KALRN: variants seen among roughly 807,000 people sequenced by gnomAD.
KALRN encodes the protein kalirin.
A neutral mutation model predicts 353.7 loss-of-function variants in KALRN; 70 were observed. The ratio of observed to expected loss-of-function variants is 0.20; its 90% CI spans 0.16 to 0.24. KALRN has a LOEUF of 0.24. Among genes scored for constraint, KALRN ranks in the 10% least tolerant of loss-of-function variants. The probability of loss-of-function intolerance (pLI) is 1.00; values close to 1 mark genes in which losing one functional copy is unlikely to be tolerated. For synonymous variants in KALRN, 1,391 were observed against 1,434.8 expected, an observed-to-expected ratio of 0.97 and a Z score of 0.69; for missense variants, 2,791 against 3,756.7, an observed-to-expected ratio of 0.74 and a Z score of 6.72.
chr3:124,650,379 A>G (rs1463497168), intron 37 of KALRN, among the ~76,000 whole-genome samples: 1 of 152,220 alleles, frequency 6.6e-6, no homozygotes, highest in East Asian at 1.9e-4. Context: ...TCTCACATAA[A>G]TCATTCAGTG....
At position 124,054,387 on chromosome 3, in the gene KALRN, T is replaced by TAAAAATAAAAATAAAAATAAAAC. The variant is rs1559878691; in HGVS notation, c.73+20578_73+20579insATAAAAATAAAAATAAAACAAAA. ...AATAAAAATAAAAATAAAAATAAAATAAAATGTTGCAGAAGCCTCTGGAGG... is the reference window on the plus strand; with the variant it reads ...AATAAAAATAAAAATAAAAATAAAATAAAAATAAAAATAAAAATAAAACAAAATGTTGCAGAAGCCTCTGGAGG... On this transcript the variant is annotated intron_variant, in intron 1 of 59. Coordinates refer to ENST00000682506, the MANE Select transcript of KALRN (RefSeq NM_001388419.1). Among the ~76,000 whole-genome samples the TAAAAATAAAAATAAAAATAAAAC allele has an allele frequency of 4.6e-4, 5 of 10,886 alleles. No individual in the cohort carries two copies. In the Admixed American group the frequency reaches 5.9e-3, roughly 13 times the overall value. The allele number at this position is 10,886 out of a possible 152,430, so 7.1% of individuals were successfully genotyped here.
intron 1 of KALRN, among the ~76,000 whole-genome samples, chr3:124,174,145 G>A (rs1200595844): frequency 6.6e-6 from 1 of 152,054 alleles, no homozygotes; most frequent in Non-Finnish European, 1.5e-5. Flanking sequence ...TAAAAGTATA[G>A]CATTTGGGCC....
intron 22 of KALRN, among the ~76,000 whole-genome samples, chr3:124,456,135 T>C (rs765927054): frequency 9.2e-5 from 14 of 152,256 alleles, no homozygotes; most frequent in Non-Finnish European, 2.1e-4. Flanking sequence ...GTCATTGCTC[T>C]GTTATTTAGC....
chr3:124,718,857 A>AT, intron 59 of KALRN, 68 bp from the exon 60 acceptor site: 9 of 1,409,256 alleles, frequency 6.4e-6, no homozygotes, highest in South Asian at 1.2e-5. Flanking sequence ...TTAATGAGGT[A>AT]TTTTGAGTAG....
At chr3:124,226,471 A>G (rs996662884) in intron 1 of KALRN, among the ~76,000 whole-genome samples, 5 of 152,208 alleles carry the variant, frequency 3.3e-5, no homozygotes, top group Non-Finnish European at 7.3e-5. Flanking sequence ...GTCAGCTAGT[A>G]AAGAGAAACG....
chr3:124,035,362 T>A (rs2039320613), intron 1 of KALRN, among the ~76,000 whole-genome samples: 1 of 152,042 alleles, frequency 6.6e-6, no homozygotes, highest in South Asian at 2.1e-4. Context: ...GGAGGGGAGA[T>A]ATGGGAATTC....
Position 124,660,905 on chromosome 3 carries a change from G to T in KALRN, c.6217-18G>T, listed in dbSNP as rs1189116586. On this transcript the variant is annotated intron_variant, in intron 43 of 59. Transcript: ENST00000682506. ...TTTACCCCTTCCCACACTCTTGCCT[G>T]CTTCCCCTACTTGTTAGGACTTCCT... The T allele has an allele frequency of 6.3e-7, 1 of 1,595,930 alleles. No homozygotes were observed. Among genetic ancestry groups the T allele is most frequent in the Non-Finnish European group, 8.6e-7 (1 of 1,164,090 alleles).
chr3:124,064,758 C>A (rs2042222012), intron 1 of KALRN, among the ~76,000 whole-genome samples: 1 of 152,180 alleles, frequency 6.6e-6, no homozygotes, highest in South Asian at 2.1e-4. Flanking sequence ...TAGCTCTCTG[C>A]ATCTGGAATG....
intron 1 of KALRN, among the ~76,000 whole-genome samples, chr3:124,195,480 C>T (rs920546917): frequency 2.0e-5 from 3 of 152,108 alleles, no homozygotes; most frequent in Non-Finnish European, 2.9e-5. Context: ...TGTGGCACTT[C>T]GTCCTGAGGC....
At chr3:124,671,571 T>C (rs1021410587) in intron 47 of KALRN, 89 bp from the exon 48 acceptor site, 2 of 825,250 alleles carry the variant, frequency 2.4e-6, no homozygotes, top group Admixed American at 2.1e-5. Flanking sequence ...ATCCACACGA[T>C]GCCTAACACA....
chr3:124,532,779 C>A (rs948817530), intron 33 of KALRN, among the ~76,000 whole-genome samples: 4 of 151,824 alleles, frequency 2.6e-5, no homozygotes, highest in Non-Finnish European at 5.9e-5. Context: ...CCAGCTTGGG[C>A]GACAGAGGAA....
At chr3:124,666,250 C>G (rs1559804872) in intron 45 of KALRN, among the ~76,000 whole-genome samples, 199 bp from the exon 46 acceptor site, 1 of 152,170 alleles carries the variant, frequency 6.6e-6, no homozygotes, top group Non-Finnish European at 1.5e-5. Context: ...CTCCAGGGCC[C>G]TTGTGTGAAC....
intron 5 of KALRN, among the ~76,000 whole-genome samples, chr3:124,289,915 A>C (rs1371899713): frequency 1.3e-5 from 2 of 152,172 alleles, no homozygotes; most frequent in African/African-American, 4.8e-5. Context: ...GGATATTCAC[A>C]TGGAGAGGGT....
chr3:124,333,619 GGC>G (rs2080825689), intron 8 of KALRN, among the ~76,000 whole-genome samples: 1 of 152,146 alleles, frequency 6.6e-6, no homozygotes, highest in Non-Finnish European at 1.5e-5. Context: ...TGGGCACTGT[GGC>G]TCACACCTGT....
chr3:124,358,985 G>A (rs1167054127), intron 10 of KALRN, among the ~76,000 whole-genome samples: 1 of 152,120 alleles, frequency 6.6e-6, no homozygotes, highest in Non-Finnish European at 1.5e-5. Flanking sequence ...CCAGTTCCTA[G>A]CCCTCTTTCC....
chr3:124,510,539 C>T (rs2065784859), intron 33 of KALRN, among the ~76,000 whole-genome samples: 1 of 151,778 alleles, frequency 6.6e-6, no homozygotes, highest in Non-Finnish European at 1.5e-5. Context: ...TTTGTTTCAG[C>T]ATGATGATTA....
intron 34 of KALRN, among the ~76,000 whole-genome samples, chr3:124,622,481 G>A (rs926752907): frequency 6.6e-6 from 1 of 152,146 alleles, no homozygotes; most frequent in Non-Finnish European, 1.5e-5. Context: ...GATTGAAACC[G>A]AGTTTTTTCA....
intron 34 of KALRN, among the ~76,000 whole-genome samples, chr3:124,630,728 G>A (rs1449796005): frequency 6.6e-6 from 1 of 152,142 alleles, no homozygotes; most frequent in Admixed American, 6.5e-5. Flanking sequence ...TACGGAGAAT[G>A]AAATGATAGT....
intron 19 of KALRN, among the ~76,000 whole-genome samples, chr3:124,443,315 A>G (rs1375767015): frequency 6.6e-6 from 1 of 152,264 alleles, no homozygotes; most frequent in Non-Finnish European, 1.5e-5. Flanking sequence ...GTCCGAGGCT[A>G]GGAATGGAAC....
Sources: gnomAD v4.1 joint callset for allele counts (sites outside exome capture counted in the v4.1 genomes callset) on GRCh38, gnomAD v4.1.1 for gene constraint, MANE v1.5 for transcripts, NCBI Gene and HGNC (gene_info 2026-07-23, HGNC 2026-07-21) for gene names.